The following SUGP1 variants were observed in gnomAD, a reference collection of about 807,000 sequenced individuals.
SUGP1 encodes the protein SURP and G-patch domain containing 1.
A neutral mutation model predicts 76.5 loss-of-function variants in SUGP1; 34 were observed. The ratio of observed to expected loss-of-function variants is 0.44; its 90% CI spans 0.34 to 0.59. SUGP1 has a LOEUF of 0.59. Among genes scored for constraint, SUGP1 ranks in the 20% least tolerant of loss-of-function variants. The probability of loss-of-function intolerance (pLI) is 0.01; values close to 1 mark genes in which losing one functional copy is unlikely to be tolerated. For missense variants in SUGP1, 752 were observed against 851.7 expected (o/e 0.88, Z 1.46); for synonymous variants, 326 against 326.2 (o/e 1.00, Z 0.01).
Position 19,303,705 on chromosome 19 carries a change from C to A in SUGP1, c.662+19G>T. 1 of 1,614,112 alleles carries A rather than the reference C, an allele frequency of 6.2e-7. No homozygotes were observed. Among genetic ancestry groups the A allele is most frequent in the Non-Finnish European group, 8.5e-7 (1 of 1,179,956 alleles). ...AACGCATTCAACAGCACAGCCTTCCCTTCCCCGGAGATACTCACGCAAATG... is the reference window on the plus strand; with the variant it reads ...AACGCATTCAACAGCACAGCCTTCCATTCCCCGGAGATACTCACGCAAATG... On this transcript the variant is annotated intron_variant, in intron 5 of 13. Transcript: ENST00000247001.
At chr19:19,295,605 C>CAAAAAA (rs55921805) in intron 8 of SUGP1, among the ~76,000 whole-genome samples, 4 of 66,810 alleles carry the variant, frequency 6.0e-5, no homozygotes, top group Non-Finnish European at 9.0e-5. Flanking sequence ...GACTCCTTCT[C>CAAAAAA]AAAAAAAAAA....
intron 4 of SUGP1, chr19:19,304,119 C>T: frequency 1.6e-6 from 2 of 1,231,806 alleles, no homozygotes; most frequent in Non-Finnish European, 1.1e-6. Flanking sequence ...CCAGCTTCCC[C>T]TGGTTTTGGT....
At chr19:19,294,464 G>A (rs544535792) in intron 8 of SUGP1, among the ~76,000 whole-genome samples, 1 of 144,802 alleles carries the variant, frequency 6.9e-6, no homozygotes, top group Admixed American at 7.1e-5. Flanking sequence ...GGTCGAGGCT[G>A]CAGTGAGTAG....
intron 7 of SUGP1, among the ~76,000 whole-genome samples, chr19:19,297,559 G>A (rs2061237707): frequency 1.3e-5 from 2 of 152,196 alleles, no homozygotes; most frequent in South Asian, 4.1e-4. Flanking sequence ...TTTGAACTGA[G>A]TCACTCCAAT....
chr19:19,276,998 C>T lies in SUGP1; in HGVS notation c.1860G>A (p.Glu620=), dbSNP rs759823767. Residue 620 remains glutamate, a synonymous_variant, in exon 13 of 14, where the codon GAG becomes GAA. Coordinates refer to ENST00000247001, the MANE Select transcript of SUGP1 (RefSeq NM_172231.4). ...AELSKEDDEY[E]AFRKRMMLAY... Reference sequence around the variant, plus strand: ...CCAGCATCATCCTCTTGCGGAACGCCTCATACTCGTCGTCCTCCTTGGAGA... The same window carrying T: ...CCAGCATCATCCTCTTGCGGAACGCTTCATACTCGTCGTCCTCCTTGGAGA... 1.9e-6 allele frequency: 3 copies of T among 1,613,000 alleles called. No homozygotes were observed. The East Asian group carries it at 6.7e-5, about 36-fold the overall frequency.
intron 8 of SUGP1, among the ~76,000 whole-genome samples, chr19:19,287,419 G>A (rs1186558961): frequency 2.6e-5 from 4 of 152,120 alleles, no homozygotes; most frequent in Non-Finnish European, 5.9e-5. Context: ...AAAATTAGCC[G>A]GGCATGGTGG....
At chr19:19,309,427 T>C (rs1008776163) in intron 3 of SUGP1, among the ~76,000 whole-genome samples, 3 of 151,976 alleles carry the variant, frequency 2.0e-5, no homozygotes, top group Admixed American at 2.0e-4. Context: ...GAGGCTGCAG[T>C]GTGCTATGAT....
chr19:19,296,103 G>A (rs570949230), intron 8 of SUGP1, among the ~76,000 whole-genome samples: 70 of 150,864 alleles, frequency 4.6e-4, no homozygotes, highest in African/African-American at 1.7e-3. Context: ...GATCACTTGA[G>A]GACAGAAGTT....
At chr19:19,291,042 G>A (rs1435843504) in intron 8 of SUGP1, among the ~76,000 whole-genome samples, 3 of 152,132 alleles carry the variant, frequency 2.0e-5, no homozygotes, top group African/African-American at 4.8e-5. Flanking sequence ...GCTTGAACCC[G>A]GGAGGTAGAG....
intron 4 of SUGP1, 176 bp downstream of exon 4, chr19:19,305,672 CT>C (rs1171578169): frequency 1.7e-5 from 10 of 587,730 alleles, no homozygotes; most frequent in Non-Finnish European, 2.9e-5. Flanking sequence ...AGCCCCGCCC[CT>C]CACCCTCCTT....
chr19:19,298,590 C>A (rs1043181169), intron 7 of SUGP1, among the ~76,000 whole-genome samples: 21 of 152,250 alleles, frequency 1.4e-4, no homozygotes, highest in South Asian at 4.1e-4. Context: ...ACATCCGGTA[C>A]CTCAAGAGGG....
chr19:19,302,147 T>C, intron 7 of SUGP1, 118 bp downstream of exon 7: 2 of 1,491,732 alleles, frequency 1.3e-6, no homozygotes, highest in South Asian at 2.6e-5. Flanking sequence ...CTCTTGGACC[T>C]GCCAGCTTCT....
intron 8 of SUGP1, among the ~76,000 whole-genome samples, chr19:19,286,939 T>C (rs550831113): frequency 7.7e-4 from 111 of 144,802 alleles, no homozygotes; most frequent in African/African-American, 2.7e-3. Flanking sequence ...TGCGAGACTC[T>C]GTCTCCAAAA....
At chr19:19,308,303 G>A (rs939511106) in intron 3 of SUGP1, among the ~76,000 whole-genome samples, 6 of 152,174 alleles carry the variant, frequency 3.9e-5, no homozygotes, top group African/African-American at 1.4e-4. Flanking sequence ...CCAAAGTGCT[G>A]AGATTACAGG....
intron 3 of SUGP1, among the ~76,000 whole-genome samples, chr19:19,309,028 G>A (rs904321777): frequency 1.3e-5 from 2 of 151,982 alleles, no homozygotes; most frequent in Non-Finnish European, 1.5e-5. Flanking sequence ...CACCACGCCC[G>A]GCTAATTTTT....
At chr19:19,278,824 G>A in intron 10 of SUGP1, 28 bp from the exon 11 acceptor site, 10 of 1,601,218 alleles carry the variant, frequency 6.2e-6, no homozygotes, top group Non-Finnish European at 8.5e-6. Context: ...AAGGTGAGAA[G>A]AGGGAGAAGC....
intron 1 of SUGP1, among the ~76,000 whole-genome samples, chr19:19,317,731 C>T (rs2061404976): frequency 1.3e-5 from 2 of 151,392 alleles, no homozygotes; most frequent in South Asian, 4.2e-4. Flanking sequence ...AGTGCCCAGG[C>T]TGGTCTCAAA....
chr19:19,314,278 G>A (rs1228366188), intron 2 of SUGP1, among the ~76,000 whole-genome samples: 1 of 151,748 alleles, frequency 6.6e-6, no homozygotes, highest in African/African-American at 2.4e-5. Flanking sequence ...AGCCGAGATG[G>A]CACCACTACA....
chr19:19,306,126 C>T (rs769776193), intron 3 of SUGP1, 50 bp from the exon 4 acceptor site: 12 of 1,456,544 alleles, frequency 8.2e-6, no homozygotes, highest in Non-Finnish European at 1.1e-5. Context: ...GGGCACCTCT[C>T]CCGGCTTCCG....
Sources: gnomAD v4.1 joint callset for allele counts (sites outside exome capture counted in the v4.1 genomes callset) on GRCh38, gnomAD v4.1.1 for gene constraint, MANE v1.5 for transcripts, NCBI Gene and HGNC (gene_info 2026-07-23, HGNC 2026-07-21) for gene names.